Variants in SERPINI2 observed in about 807,000 individuals in gnomAD.
SERPINI2 encodes serpin family I member 2.
SERPINI2 carries 48 observed loss-of-function variants against 47.3 expected under a neutral mutation model. That is an observed-to-expected ratio of 1.02 (90% CI 0.81 to 1.29). The LOEUF (loss-of-function observed/expected upper bound fraction) is 1.29, where lower values mean the gene tolerates loss of function less well. Among genes scored for constraint, SERPINI2 ranks in the 50% most tolerant of loss-of-function variants. The pLI, the probability that SERPINI2 is intolerant of heterozygous loss-of-function variation, is 0.00. For synonymous variants in SERPINI2, 135 were observed against 149.3 expected (o/e 0.90, Z 0.70); for missense variants, 448 against 456.9 (o/e 0.98, Z 0.18).
chr3:167,459,445 T>C (rs1749920314), intron 5 of SERPINI2, among the ~76,000 whole-genome samples: 1 of 152,128 alleles, frequency 6.6e-6, no homozygotes, highest in African/African-American at 2.4e-5. Context: ...TATGATTATT[T>C]TAGCTAACAT....
chr3:167,472,743 C>G (rs868042131), intron 1 of SERPINI2, among the ~76,000 whole-genome samples: 6 of 151,828 alleles, frequency 4.0e-5, no homozygotes, highest in African/African-American at 9.7e-5. Flanking sequence ...TATTAAAGTG[C>G]TCTCCACTAA....
chr3:167,467,770 T>C (rs1490734508), intron 2 of SERPINI2, among the ~76,000 whole-genome samples: 2 of 152,174 alleles, frequency 1.3e-5, no homozygotes, highest in Admixed American at 6.5e-5. Flanking sequence ...ACTGCACCTG[T>C]ACAGGTTTTA....
intron 8 of SERPINI2, among the ~76,000 whole-genome samples, chr3:167,445,141 G>T (rs1365309553): frequency 2.6e-5 from 4 of 152,148 alleles, no homozygotes; most frequent in African/African-American, 9.7e-5. Flanking sequence ...CTGTTTCATT[G>T]TTTTTAAGAT....
chr3:167,470,186 T>C (rs1267989449), intron 2 of SERPINI2, among the ~76,000 whole-genome samples: 1 of 152,186 alleles, frequency 6.6e-6, no homozygotes. Context: ...GAGTGGTATA[T>C]TGGGATTTGC....
At chr3:167,475,726 GGT>G (rs1239614961), upstream of SERPINI2, among the ~76,000 whole-genome samples, 1 of 149,632 alleles carries the variant, frequency 6.7e-6, no homozygotes, top group Non-Finnish European at 1.5e-5. Flanking sequence ...AGAAAATCGG[GGT>G]GGGGGGAGAA....
chr3:167,441,971 G>T, exon 9 of SERPINI2: 2 of 567,876 alleles, frequency 3.5e-6, no homozygotes, highest in South Asian at 6.8e-5. Flanking sequence ...TATTCATCAA[G>T]ACAGATATCT....
At chr3:167,452,676 ATACTTT>A (rs527696046) in intron 6 of SERPINI2, among the ~76,000 whole-genome samples, 2 of 152,342 alleles carry the variant, frequency 1.3e-5, no homozygotes, top group South Asian at 4.1e-4. Context: ...AACCCATATA[ATACTTT>A]TACTTATGTA....
intron 5 of SERPINI2, among the ~76,000 whole-genome samples, chr3:167,455,350 GA>G (rs1408650255): frequency 1.3e-5 from 2 of 152,154 alleles, no homozygotes; most frequent in Admixed American, 1.3e-4. Context: ...GCAGAAAAAT[GA>G]AAAACAATCC....
upstream of SERPINI2, among the ~76,000 whole-genome samples, chr3:167,476,477 A>C (rs976695199): frequency 6.6e-6 from 1 of 152,012 alleles, no homozygotes; most frequent in Non-Finnish European, 1.5e-5. Context: ...CCCTGATGTT[A>C]ATTAAGGATG....
At chr3:167,462,024 A>G (rs1345909119) in intron 5 of SERPINI2, among the ~76,000 whole-genome samples, 2 of 152,168 alleles carry the variant, frequency 1.3e-5, no homozygotes, top group Non-Finnish European at 2.9e-5. Context: ...TGAATGCTGA[A>G]TAGGAGGGAG....
intron 5 of SERPINI2, among the ~76,000 whole-genome samples, chr3:167,453,773 A>G (rs1749710498): frequency 6.6e-6 from 1 of 152,006 alleles, no homozygotes; most frequent in Non-Finnish European, 1.5e-5. Flanking sequence ...ACCTGTGAAA[A>G]GGGAACTTAA....
exon 3 of SERPINI2, chr3:167,467,138 T>G: frequency 6.2e-7 from 1 of 1,613,576 alleles, no homozygotes. Context: ...TATAGCACTC[T>G]GAAAAAATTC....
chr3:167,473,722 TA>T, intron 1 of SERPINI2: 1 of 1,440,572 alleles, frequency 6.9e-7, no homozygotes, highest in Non-Finnish European at 9.2e-7. Flanking sequence ...ATATTGGTTT[TA>T]AAAACTCACT....
intron 8 of SERPINI2, among the ~76,000 whole-genome samples, chr3:167,443,156 G>A (rs1043778573): frequency 2.6e-5 from 4 of 152,220 alleles, no homozygotes; most frequent in Admixed American, 2.0e-4. Flanking sequence ...CACCCAGGCT[G>A]GAGTGCAGTG....
intron 8 of SERPINI2, among the ~76,000 whole-genome samples, chr3:167,442,777 A>G (rs1749363804): frequency 6.6e-6 from 1 of 152,228 alleles, no homozygotes; most frequent in South Asian, 2.1e-4. Flanking sequence ...GTGAAAAGGA[A>G]CTAAGAACTA....
At chr3:167,474,108 C>A (rs951666510) in exon 1 of SERPINI2, 49 of 1,004,248 alleles carry the variant, frequency 4.9e-5, no homozygotes, top group Non-Finnish European at 5.8e-5. Flanking sequence ...CTCCATTTAT[C>A]TTGACCATTG....
At chr3:167,444,870 T>C (rs956460517) in intron 8 of SERPINI2, among the ~76,000 whole-genome samples, 2 of 152,190 alleles carry the variant, frequency 1.3e-5, no homozygotes, top group African/African-American at 4.8e-5. Context: ...GGCCTTTGCA[T>C]ATAACAAGTC....
chr3:167,465,132 C>T, intron 5 of SERPINI2, 74 bp downstream of exon 5: 2 of 1,288,552 alleles, frequency 1.6e-6, no homozygotes, highest in Middle Eastern at 5.2e-4. Flanking sequence ...GTATTTGTTA[C>T]CTTTCAGCTG....
intron 5 of SERPINI2, among the ~76,000 whole-genome samples, chr3:167,454,196 T>A (rs1389712537): frequency 6.6e-6 from 1 of 152,156 alleles, no homozygotes; most frequent in Admixed American, 6.5e-5. Flanking sequence ...TCTAATTAGA[T>A]CATTGTTTTA....
Sources: allele counts gnomAD v4.1 joint callset (sites outside exome capture counted in the v4.1 genomes callset), GRCh38; gene constraint gnomAD v4.1.1; transcripts MANE v1.5; gene names NCBI Gene and HGNC (gene_info 2026-07-23, HGNC 2026-07-21).